The following CAPN12 variants were observed in gnomAD, a reference collection of about 807,000 sequenced individuals.
The protein encoded by CAPN12 is calpain 12, also known as calpain-12.
A neutral mutation model predicts 95.0 loss-of-function variants in CAPN12; 107 were observed. The ratio of observed to expected loss-of-function variants is 1.13; its 90% confidence interval spans 0.96 to 1.32. CAPN12 has a LOEUF of 1.32. CAPN12 is among the 40% of genes most tolerant of loss of function. CAPN12 has a pLI of 0.00. For missense variants in CAPN12, 1,136 were observed against 997.8 expected (o/e 1.14, Z -1.87); for synonymous variants, 505 against 415.5 (o/e 1.22, Z -2.62).
At chr19:38,733,678 G>T in intron 18 of CAPN12, 25 bp downstream of exon 18, 1 of 1,605,654 alleles carries the variant, frequency 6.2e-7, no homozygotes, top group South Asian at 1.1e-5. Context: ...CTGTCCCCAC[G>T]ACCACCCCAG....
intron 3 of CAPN12, 100 bp downstream of exon 3, chr19:38,742,310 C>G: frequency 1.1e-6 from 1 of 898,734 alleles, no homozygotes; most frequent in Non-Finnish European, 1.8e-6. Context: ...GCCTGGATGA[C>G]AGAGTGAGAT....
rs1462658010 is a variant in CAPN12, at chr19:38,742,463, C to G, written c.373G>C (p.Val125Leu). ...TLYPRLLRRV[V>L]PPGQDFQHGY... ...TGCTGGAAATCCTGTCCAGGAGGGA[C>G]CACCCGGCGCAGGAGCCGGGGATAC... Residue 125 changes from valine to leucine, a missense_variant, in exon 3 of 21, where the codon GTC becomes CTC. Val to Leu is a conservative substitution (Grantham distance 32). Transcript: ENST00000328867. 1 of 1,613,920 alleles carries G rather than the reference C, an allele frequency of 6.2e-7. No individual in the cohort carries two copies. Among genetic ancestry groups the G allele is most frequent in the Non-Finnish European group, 8.5e-7 (1 of 1,179,922 alleles).
At chr19:38,737,663 T>C (rs1970299399) in intron 8 of CAPN12, 25 bp from the exon 9 acceptor site, 2 of 1,533,314 alleles carry the variant, frequency 1.3e-6, no homozygotes, top group Non-Finnish European at 8.8e-7. Flanking sequence ...AGTCAGACCC[T>C]GCCCGGCCCC....
intron 14 of CAPN12, 111 bp downstream of exon 14, chr19:38,735,258 AG>A (rs1969938194): frequency 9.4e-7 from 1 of 1,058,994 alleles, no homozygotes; most frequent in Non-Finnish European, 1.4e-6. Flanking sequence ...TTAAGCCCGG[AG>A]GGAGGAAAAA....
rs373317576 is a variant in CAPN12 at position 38,740,143 on chromosome 19, C to T, written c.637G>A (p.Glu213Lys). Residue 213 changes from glutamate (E) to lysine (K), a missense_variant, in exon 5 of 21, where the codon GAG (glutamate) becomes AAG (lysine). Coordinates refer to ENST00000328867, the MANE Select transcript of CAPN12 (RefSeq NM_144691.4). ...AFVDFTGGVG[E>K]VLYLRQNSMG... Reference sequence around the variant, plus strand: ...CTGTTTTGTCTCAGATAGAGCACCTCGCCCACGCCGCCTGTGAAATCCACA... The same window carrying T: ...CTGTTTTGTCTCAGATAGAGCACCTTGCCCACGCCGCCTGTGAAATCCACA... The T allele has an allele frequency of 3.7e-5, 59 of 1,613,448 alleles. No homozygotes were observed. In the Middle Eastern group the frequency reaches 6.6e-4, roughly 18 times the overall value.
chr19:38,737,692 G>C, intron 8 of CAPN12, 54 bp from the exon 9 acceptor site: 1 of 1,474,716 alleles, frequency 6.8e-7, no homozygotes, highest in South Asian at 1.4e-5. Context: ...GGGGTCCCAA[G>C]ATCCCGGAAA....
chr19:38,736,011 TCTC>T lies in CAPN12; in HGVS notation c.1583+96_1583+98del. 3.2e-4 allele frequency: 11 copies of T among 34,864 alleles called. 1 individual carries two copies. The highest frequency in any genetic ancestry group is 4.2e-4 in the Non-Finnish European group (8 of 19,238). The allele number at this position is 34,864 out of a possible 1,614,324, so 2.2% of individuals were successfully genotyped here. ...GGTTCTGGGGGCGGGGCAGGTCAGG[TCTC>T]GGGGGTCTCGGGGGTCTCGGGGGTC... On this transcript the variant is annotated intron_variant, in intron 12 of 20. Coordinates refer to ENST00000328867, the MANE Select transcript of CAPN12 (RefSeq NM_144691.4).
At chr19:38,734,560 C>T (rs947137131) in intron 15 of CAPN12, 171 bp from the exon 16 acceptor site, 1 of 685,680 alleles carries the variant, frequency 1.5e-6, no homozygotes, top group Non-Finnish European at 2.4e-6. Flanking sequence ...GATTCAAATC[C>T]AGGCAGGGGG....
In CAPN12 at chr19:38,740,149, C is replaced by A. The variant is rs147906486; in HGVS notation, c.631G>T (p.Val211Leu). 6 of 1,613,466 alleles carry A rather than the reference C, an allele frequency of 3.7e-6. No individual in the cohort carries two copies. In the East Asian group the frequency reaches 1.3e-4, roughly 36 times the overall value. Reference protein sequence around the residue: ...NEAFVDFTGGVGEVLYLRQNS... With the variant: ...NEAFVDFTGGLGEVLYLRQNS... Reference sequence around the variant, plus strand: ...TGTCTCAGATAGAGCACCTCGCCCACGCCGCCTGTGAAATCCACAAAAGCC... The same window carrying A: ...TGTCTCAGATAGAGCACCTCGCCCAAGCCGCCTGTGAAATCCACAAAAGCC... The change falls in exon 5 of 21, where the codon GTG (valine) becomes TTG (leucine). Residue 211 changes from valine (V) to leucine (L), a missense_variant. Transcript: ENST00000328867.
rs1305761440 is a variant in CAPN12 at position 38,730,551 on chromosome 19, T to C, written c.*301A>G. 2.1e-6 allele frequency: 1 copy of C among 474,416 alleles called. No homozygotes were observed. The highest frequency in any genetic ancestry group is 1.9e-5 in the African/African-American group (1 of 51,806). 29.4% of individuals were successfully genotyped at this position (474,416 alleles called of 1,614,324 possible). ...GAAGGATTCCTGCAGCATCATCTTT[T>C]TTTATTTCTCCTGTGTCTGTCCTCC... is the stretch of plus-strand genomic sequence containing the variant. On this transcript the variant is annotated 3_prime_UTR_variant, in exon 21 of 21. Coordinates refer to ENST00000328867, the MANE Select transcript of CAPN12 (RefSeq NM_144691.4).
In CAPN12 at chr19:38,744,187, C is replaced by T. The variant is rs201824932; in HGVS notation, c.-22G>A. ...CCATCTGGACACTGGCCTCACAAGC[C>T]GGCACCAGGCCCTTTAACCTCCTGA... On this transcript the variant is annotated 5_prime_UTR_variant, in exon 1 of 21. Coordinates refer to ENST00000328867, the MANE Select transcript of CAPN12 (RefSeq NM_144691.4). The T allele has an allele frequency of 1.1e-4, 175 of 1,610,082 alleles. No individual in the cohort carries two copies. The African/African-American group carries it at 1.6e-3, about 14-fold the overall frequency.
intron 14 of CAPN12, chr19:38,735,152 A>AGGAGGG: frequency 1.7e-6 from 1 of 603,736 alleles, no homozygotes; most frequent in Non-Finnish European, 2.9e-6. Context: ...TGGAGGTGTC[A>AGGAGGG]GGAGGGAGAG....
Position 38,730,692 on chromosome 19 carries a change from G to C in CAPN12, c.*160C>G. ...GTTCTTGTTTCTGAGTGAGGAGTAC[G>C]CAGGCCAGAGTGGTCACCCGGCCGT... On this transcript the variant is annotated 3_prime_UTR_variant, in exon 21 of 21. Transcript: ENST00000328867. 1 of 785,314 alleles carries C rather than the reference G, an allele frequency of 1.3e-6. No individual in the cohort carries two copies. 48.6% of individuals were successfully genotyped at this position (785,314 alleles called of 1,614,324 possible).
chr19:38,738,252 C>G (rs1970334999), intron 8 of CAPN12, 21 bp downstream of exon 8: 1 of 1,611,720 alleles, frequency 6.2e-7, no homozygotes, highest in South Asian at 1.1e-5. Flanking sequence ...AGAGGCAGAG[C>G]TGGGACCCTG....
chr19:38,736,201 C>T lies in CAPN12; in HGVS notation c.1492G>A (p.Gly498Ser). 6.6e-7 allele frequency: 1 copy of T among 1,510,006 alleles called. No individual in the cohort carries two copies. The highest frequency in any genetic ancestry group is 8.8e-7 in the Non-Finnish European group (1 of 1,133,582). 93.5% of individuals were successfully genotyped at this position (1,510,006 alleles called of 1,614,324 possible). ...DVTRRCCLRP[G>S]HYLVVPSTAH... ...GTGCTCGGCACCACCAGGTAGTGGC[C>T]TGGACGCAGGCAGCAGCGGCGGGTC... The change falls in exon 12 of 21, where the codon GGC becomes AGC. Residue 498 changes from glycine (G) to serine (S), a missense_variant. Coordinates refer to ENST00000328867, the MANE Select transcript of CAPN12 (RefSeq NM_144691.4).
In CAPN12 at chr19:38,744,088, A is replaced by C; in HGVS notation, c.78T>G (p.Leu26=). The change falls in exon 1 of 21, where the codon CTT becomes CTG. Residue 26 remains leucine (L), a synonymous_variant. Transcript: ENST00000328867. ...EAGVGAGRLQ[L]FRGQSYEAIR... is the part of the protein sequence containing the mutation. ...TTGCCTCATAGCTCTGGCCCCGAAA[A>C]AGCTGCAGGCGCCCGGCTCCGACCC... The C allele has an allele frequency of 6.2e-7, 1 of 1,614,014 alleles. No individual in the cohort carries two copies.
Position 38,740,080 on chromosome 19 carries a change from T to C in CAPN12, c.700A>G (p.Lys234Glu). ...GCAGTGGCGCCCACGAGGGACTCCTTGGCCAGGGCATGGCGCAGGGCAGAG... is the reference window on the plus strand; with the variant it reads ...GCAGTGGCGCCCACGAGGGACTCCTCGGCCAGGGCATGGCGCAGGGCAGAG... Reference protein sequence around the residue: ...LFSALRHALAKESLVGATALS... With the variant: ...LFSALRHALAEESLVGATALS... Residue 234 changes from lysine (K) to glutamate (E), a missense_variant, in exon 5 of 21, where the codon AAG becomes GAG. Coordinates refer to ENST00000328867, the MANE Select transcript of CAPN12 (RefSeq NM_144691.4). 1 of 1,605,440 alleles carries C rather than the reference T, an allele frequency of 6.2e-7. No homozygotes were observed. The highest frequency in any genetic ancestry group is 8.5e-7 in the Non-Finnish European group (1 of 1,175,366).
intron 18 of CAPN12, 82 bp from the exon 19 acceptor site, chr19:38,731,305 G>A: frequency 9.4e-7 from 1 of 1,064,848 alleles, no homozygotes; most frequent in Non-Finnish European, 1.4e-6. Flanking sequence ...TCCTCAGGGA[G>A]GACATGAATG....
At chr19:38,741,668 G>C (rs1051151495) in intron 4 of CAPN12, 109 bp downstream of exon 4, 5 of 1,369,070 alleles carry the variant, frequency 3.7e-6, no homozygotes, top group Non-Finnish European at 4.9e-6. Context: ...TGGGATTCTT[G>C]GTGGGGTGTT....
Sources: allele counts gnomAD v4.1 joint callset, GRCh38; gene constraint gnomAD v4.1.1; transcripts MANE v1.5; gene names NCBI Gene and HGNC (gene_info 2026-07-23, HGNC 2026-07-21).